The following PIEZO2 variants were observed in gnomAD, a reference collection of about 807,000 sequenced individuals.
PIEZO2 encodes piezo-type mechanosensitive ion channel component 2.
A neutral mutation model predicts 337.3 loss-of-function variants in PIEZO2; 172 were observed. That is an observed-to-expected ratio of 0.51 (90% CI 0.45 to 0.58). The LOEUF is 0.58. Ranked by LOEUF, PIEZO2 falls within the 20% of genes least tolerant of loss-of-function variation. The probability of loss-of-function intolerance (pLI) is 0.00; values close to 1 mark genes in which losing one functional copy is unlikely to be tolerated. For synonymous variants in PIEZO2, 1,251 were observed against 1,228.5 expected, an observed-to-expected ratio of 1.02 and a Z score of -0.38; for missense variants, 3,028 against 3,391.3, an observed-to-expected ratio of 0.89 and a Z score of 2.66.
chr18:10,876,763 A>T (rs1238197252), intron 4 of PIEZO2, among the ~76,000 whole-genome samples: 2 of 152,124 alleles, frequency 1.3e-5, no homozygotes, highest in African/African-American at 4.8e-5. Context: ...TTACTTTCTC[A>T]CTTTGTGTTT....
chr18:10,916,672 C>T (rs547667977), intron 3 of PIEZO2, among the ~76,000 whole-genome samples: 2 of 152,304 alleles, frequency 1.3e-5, no homozygotes, highest in African/African-American at 2.4e-5. Context: ...CCCTCCACAC[C>T]TCCCCACAAG....
At chr18:11,091,302 T>G (rs1039642210) in intron 1 of PIEZO2, among the ~76,000 whole-genome samples, 1 of 148,700 alleles carries the variant, frequency 6.7e-6, no homozygotes, top group Non-Finnish European at 1.5e-5. Flanking sequence ...GAGAATCACT[T>G]GACCCCGGGA....
At position 10,750,478 on chromosome 18, in the gene PIEZO2, C is replaced by A. The variant is rs1568015796; in HGVS notation, c.4168-291G>T. Among the ~76,000 whole-genome samples the A allele has an allele frequency of 6.6e-6, 1 of 152,196 alleles. No homozygotes were observed. The highest frequency in any genetic ancestry group is 1.5e-5 in the Non-Finnish European group (1 of 68,034). ...ATCTTGGACGATCATAGAAATAAAT[C>A]CCAACTCTGTGATAATGAATGGGTG... On this transcript the variant is annotated intron_variant, in intron 28 of 55. Transcript: ENST00000674853. The surrounding 1 kb of genome is among the most constrained non-coding windows in gnomAD (Gnocchi z 4.1).
At chr18:10,912,823 A>T (rs1312195060) in intron 3 of PIEZO2, among the ~76,000 whole-genome samples, 1 of 152,224 alleles carries the variant, frequency 6.6e-6, no homozygotes, top group African/African-American at 2.4e-5. Flanking sequence ...GGAGTGTTTT[A>T]AATAATTCTG....
chr18:10,978,587 A>C (rs1336573275), intron 3 of PIEZO2, among the ~76,000 whole-genome samples: 2 of 152,172 alleles, frequency 1.3e-5, no homozygotes, highest in East Asian at 3.8e-4. Context: ...TATGTATATA[A>C]ATTTTACTAA....
At chr18:11,042,907 T>A (rs962488919) in intron 2 of PIEZO2, among the ~76,000 whole-genome samples, 2 of 152,188 alleles carry the variant, frequency 1.3e-5, no homozygotes, top group Non-Finnish European at 2.9e-5. Context: ...ATACAGAAAA[T>A]ACTTCTTCAA....
intron 2 of PIEZO2, among the ~76,000 whole-genome samples, chr18:11,020,120 G>A (rs1032464346): frequency 6.6e-6 from 1 of 152,030 alleles, no homozygotes; most frequent in African/African-American, 2.4e-5. Flanking sequence ...TCTGGGGAGC[G>A]ATTTTTAAAA....
At chr18:11,004,204 G>A (rs534364255) in intron 2 of PIEZO2, among the ~76,000 whole-genome samples, 1 of 152,270 alleles carries the variant, frequency 6.6e-6, no homozygotes, top group East Asian at 1.9e-4. Context: ...AGGGGGTCCA[G>A]GTGTACCATT....
At chr18:10,714,659 A>G (rs773068276) in intron 39 of PIEZO2, 105 bp downstream of exon 39, 138 of 1,321,290 alleles carry the variant, frequency 1.0e-4, no homozygotes, top group Non-Finnish European at 1.4e-4. Flanking sequence ...GGGTCCATGC[A>G]TGGTTTTGAT....
chr18:10,882,526 T>C (rs1275845346), intron 4 of PIEZO2, among the ~76,000 whole-genome samples: 1 of 152,222 alleles, frequency 6.6e-6, no homozygotes, highest in Non-Finnish European at 1.5e-5. Context: ...TTCAAACATA[T>C]GAAATACAGG....
chr18:10,884,639 GA>G (rs1240713758), intron 4 of PIEZO2, among the ~76,000 whole-genome samples: 1 of 152,174 alleles, frequency 6.6e-6, no homozygotes, highest in Non-Finnish European at 1.5e-5. Context: ...ACGACTAGCA[GA>G]AATCTCCGTC....
chr18:11,049,754 A>C (rs1053262036), intron 2 of PIEZO2, among the ~76,000 whole-genome samples: 3 of 152,268 alleles, frequency 2.0e-5, no homozygotes, highest in East Asian at 3.9e-4. Flanking sequence ...GCCTGCCACC[A>C]TGTAAGACAT....
In PIEZO2 at chr18:10,682,943, A is replaced by G. The variant is rs2034338338; in HGVS notation, c.7498-651T>C. 2.0e-5 allele frequency among the ~76,000 whole-genome samples: 3 copies of G among 152,196 alleles called. No homozygotes were observed. The highest frequency in any genetic ancestry group is 7.2e-5 in the African/African-American group (3 of 41,452). On this transcript the variant is annotated intron_variant, in intron 49 of 55. Transcript: ENST00000674853. The surrounding 1 kb of genome is among the most constrained non-coding windows in gnomAD (Gnocchi z 5.6). ...GCTGGGAGCACTTCTGTTTGCTTTAATATAGATTCATGAAGGACCCACTAA... is the reference window on the plus strand; with the variant it reads ...GCTGGGAGCACTTCTGTTTGCTTTAGTATAGATTCATGAAGGACCCACTAA...
intron 1 of PIEZO2, among the ~76,000 whole-genome samples, chr18:11,072,302 G>T (rs1263725443): frequency 1.3e-5 from 2 of 152,112 alleles, no homozygotes; most frequent in African/African-American, 4.8e-5. Flanking sequence ...AAACCGAAGG[G>T]TATCAAGGTA....
In PIEZO2 at chr18:11,087,995, C is replaced by T. The variant is rs563238360; in HGVS notation, c.65-21773G>A. 1.2e-3 allele frequency among the ~76,000 whole-genome samples: 178 copies of T among 152,364 alleles called. 1 individual carries two copies. Among genetic ancestry groups the T allele is most frequent in the African/African-American group, 4.1e-3 (172 of 41,580 alleles). ...CCTACATTTCCTTTGTGATGCCACT[C>T]ACATATATCCTTCAAGAAGTCACTG... On this transcript the variant is annotated intron_variant, in intron 1 of 55. Transcript: ENST00000674853.
intron 36 of PIEZO2, among the ~76,000 whole-genome samples, chr18:10,719,900 G>A (rs1486474363): frequency 1.3e-5 from 2 of 152,068 alleles, no homozygotes; most frequent in Non-Finnish European, 2.9e-5. Context: ...ACAGGTAGAT[G>A]AGAAAGTAAA....
chr18:10,685,826 C>T (rs553043470), intron 49 of PIEZO2, among the ~76,000 whole-genome samples: 38 of 152,192 alleles, frequency 2.5e-4, no homozygotes, highest in Non-Finnish European at 4.9e-4. Context: ...TTCCCATGCT[C>T]TCAGCAGAGG....
rs264227 is a variant in PIEZO2, at chr18:10,982,214, G to A, written c.161-2554C>T. 0.017 allele frequency among the ~76,000 whole-genome samples: 2,653 copies of A among 152,254 alleles called. 69 individuals are homozygous for A. Among genetic ancestry groups the A allele is most frequent in the African/African-American group, 0.061 (2,524 of 41,534 alleles). ...TGTTTGTAAATATCCATTACTAGGT[G>A]TATTCGGGTTCTCTAGAGGGACAGG... On this transcript the variant is annotated intron_variant, in intron 2 of 55. Coordinates refer to ENST00000674853, the MANE Select transcript of PIEZO2 (RefSeq NM_001378183.1). The surrounding 1 kb of genome is among the most constrained non-coding windows in gnomAD (Gnocchi z 4.1).
intron 2 of PIEZO2, among the ~76,000 whole-genome samples, chr18:11,055,104 G>A (rs1439076364): frequency 4.6e-5 from 7 of 151,892 alleles, no homozygotes; most frequent in South Asian, 4.2e-4. Flanking sequence ...CCAGCTACTC[G>A]GGAGGCTGAG....
Sources: allele counts gnomAD v4.1 joint callset (sites outside exome capture counted in the v4.1 genomes callset), GRCh38; gene constraint gnomAD v4.1.1; non-coding constraint Gnocchi (gnomAD v3.1); transcripts MANE v1.5; gene names NCBI Gene and HGNC (gene_info 2026-07-23, HGNC 2026-07-21).